Variants in ARHGAP24 observed in about 807,000 individuals in gnomAD.
ARHGAP24 encodes Rho GTPase activating protein 24, also known as rho GTPase-activating protein 24.
In ARHGAP24, 50 loss-of-function variants were observed where a neutral mutation model predicts 76.4. The observed-to-expected ratio is 0.65, with a 90% CI of 0.52 to 0.83. The LOEUF (loss-of-function observed/expected upper bound fraction) is 0.83. Ranked by LOEUF, ARHGAP24 falls within the 40% of genes least tolerant of loss-of-function variation. The probability of loss-of-function intolerance (pLI) is 0.00; values close to 1 mark genes in which losing one functional copy is unlikely to be tolerated. For missense variants in ARHGAP24, 930 were observed against 914.2 expected (o/e 1.02, Z -0.22); for synonymous variants, 345 against 323.3 (o/e 1.07, Z -0.72).
At chr4:85,542,599 G>GACCCTT (rs1725745909) in intron 1 of ARHGAP24, among the ~76,000 whole-genome samples, 1 of 152,108 alleles carries the variant, frequency 6.6e-6, no homozygotes, top group African/African-American at 2.4e-5. Context: ...GTCTCCCTTA[G>GACCCTT]GGACAGTCAT....
At chr4:85,553,918 G>C (rs1037782267) in intron 1 of ARHGAP24, among the ~76,000 whole-genome samples, 22 of 152,134 alleles carry the variant, frequency 1.4e-4, no homozygotes, top group African/African-American at 5.3e-4. Context: ...TCAGTGGTCA[G>C]TTTACTTAAG....
At chr4:85,554,669 T>C (rs1043558388) in intron 1 of ARHGAP24, among the ~76,000 whole-genome samples, 1 of 151,972 alleles carries the variant, frequency 6.6e-6, no homozygotes. Context: ...ATTATTATTA[T>C]TTTTTCTTCT....
At chr4:85,800,949 G>A (rs1035516482) in intron 3 of ARHGAP24, among the ~76,000 whole-genome samples, 4 of 152,088 alleles carry the variant, frequency 2.6e-5, no homozygotes, top group African/African-American at 9.7e-5. Flanking sequence ...TCAAATTAAA[G>A]CGTCCTTTTT....
intron 1 of ARHGAP24, among the ~76,000 whole-genome samples, chr4:85,532,166 G>GACTTCTGA (rs2110117251): frequency 6.6e-6 from 1 of 152,220 alleles, no homozygotes; most frequent in Non-Finnish European, 1.5e-5. Context: ...CATAAACTGT[G>GACTTCTGA]ATCTAAAAAT....
chr4:85,747,841 C>T (rs1726107944), intron 3 of ARHGAP24, among the ~76,000 whole-genome samples: 1 of 152,200 alleles, frequency 6.6e-6, no homozygotes, highest in African/African-American at 2.4e-5. Flanking sequence ...CCTAAATCAT[C>T]AGGACAGAAC....
intron 3 of ARHGAP24, among the ~76,000 whole-genome samples, chr4:85,774,998 C>A (rs1727259086): frequency 6.6e-6 from 1 of 151,922 alleles, no homozygotes; most frequent in Non-Finnish European, 1.5e-5. Context: ...ATTTATATAT[C>A]GTGATATCTT....
chr4:85,666,210 C>T (rs563593058), intron 2 of ARHGAP24, among the ~76,000 whole-genome samples: 1 of 152,210 alleles, frequency 6.6e-6, no homozygotes, highest in South Asian at 2.1e-4. Context: ...AGGCTTTGTT[C>T]GTTTGTTTTT....
At chr4:85,746,335 A>C (rs1578192686) in intron 3 of ARHGAP24, among the ~76,000 whole-genome samples, 1 of 152,164 alleles carries the variant, frequency 6.6e-6, no homozygotes, top group East Asian at 1.9e-4. Context: ...TATCTGACTG[A>C]TTCTTCATGA....
intron 3 of ARHGAP24, among the ~76,000 whole-genome samples, chr4:85,780,732 C>T (rs17010892): frequency 0.11 from 16,143 of 152,194 alleles, 1,912 homozygotes; most frequent in East Asian, 0.61. Flanking sequence ...TTATGAGAAA[C>T]GTGCATGTGC....
At chr4:85,704,982 G>A (rs4362811) in intron 2 of ARHGAP24, among the ~76,000 whole-genome samples, 146,743 of 152,172 alleles carry the variant, frequency 0.96, 70,982 homozygotes, top group East Asian at 1. Context: ...TAGAAAAGAT[G>A]AGAGTTTCCT....
intron 3 of ARHGAP24, among the ~76,000 whole-genome samples, chr4:85,856,928 CA>C (rs1277394319): frequency 6.6e-6 from 1 of 152,014 alleles, no homozygotes; most frequent in Non-Finnish European, 1.5e-5. Flanking sequence ...CTGTTTTTGG[CA>C]ACTGACTTTT....
At chr4:85,784,270 G>A (rs1452680) in intron 3 of ARHGAP24, among the ~76,000 whole-genome samples, 146,275 of 151,950 alleles carry the variant, frequency 0.96, 70,674 homozygotes, top group East Asian at 1. Context: ...GAGATCTAGT[G>A]CATAGCCTAT....
rs541858986 is a variant in ARHGAP24, at chr4:85,612,146, C to T, written c.180+41425C>T. Among the ~76,000 whole-genome samples, 23 of 151,160 alleles carry T rather than the reference C, an allele frequency of 1.5e-4. No homozygotes were observed. In the East Asian group the frequency reaches 2.8e-3, roughly 18 times the overall value. On this transcript the variant is annotated intron_variant, in intron 2 of 9. Coordinates refer to ENST00000395184, the MANE Select transcript of ARHGAP24 (RefSeq NM_001025616.3). ...CAGACCAGTGTATAGCTGCCGGGCG[C>T]GGTGGCTCATGCCTGTAATCCCAGC...
rs768047025 is a variant in ARHGAP24 at position 85,942,299 on chromosome 4, T to C, written c.599+26T>C. On this transcript the variant is annotated intron_variant, in intron 5 of 9. Coordinates refer to ENST00000395184, the MANE Select transcript of ARHGAP24 (RefSeq NM_001025616.3). The stretch of plus-strand genomic sequence containing the variant: ...GTAGATGTCACAATTTTACTAGCCA[T>C]CTTCACTGAGAAATTCAGACTCAAC... 10 of 1,611,708 alleles carry C rather than the reference T, an allele frequency of 6.2e-6. No homozygotes were observed. In the Admixed American group the frequency reaches 8.3e-5, roughly 13 times the overall value.
intron 3 of ARHGAP24, among the ~76,000 whole-genome samples, chr4:85,905,147 G>A (rs1421573478): frequency 6.6e-6 from 1 of 151,990 alleles, no homozygotes; most frequent in Admixed American, 6.6e-5. Flanking sequence ...GTACAGATAG[G>A]GTCAAAATCT....
Position 85,972,153 on chromosome 4 carries a change from C to A in ARHGAP24, c.717C>A (p.Ser239Arg). 6.2e-7 allele frequency: 1 copy of A among 1,613,566 alleles called. No homozygotes were observed. Among genetic ancestry groups the A allele is most frequent in the Non-Finnish European group, 8.5e-7 (1 of 1,179,948 alleles). Residue 239 changes from serine (S) to arginine (R), a missense_variant, in exon 6 of 10, where the codon AGC becomes AGA. Physicochemically the swap from Ser to Arg is moderately radical, Grantham distance 110. Transcript: ENST00000395184. ...TTTTGTCATGTGCCAAACTGCTCAG[C>A]AAGGAAGAGGAAGCAGTAAGTTGAT... ...EDFLSCAKLL[S>R]KEEEAGVKEL...
intron 3 of ARHGAP24, among the ~76,000 whole-genome samples, chr4:85,885,734 A>G (rs1407196094): frequency 6.6e-6 from 1 of 152,258 alleles, no homozygotes; most frequent in Non-Finnish European, 1.5e-5. Flanking sequence ...CATGTGTTAA[A>G]TGACATGGCA....
intron 3 of ARHGAP24, among the ~76,000 whole-genome samples, chr4:85,752,229 G>C (rs934539548): frequency 6.6e-6 from 1 of 152,150 alleles, no homozygotes; most frequent in Non-Finnish European, 1.5e-5. Flanking sequence ...TGTAATTCAG[G>C]CCCATTCGGT....
At chr4:85,888,785 C>A (rs1733718333) in intron 3 of ARHGAP24, among the ~76,000 whole-genome samples, 1 of 152,060 alleles carries the variant, frequency 6.6e-6, no homozygotes, top group Admixed American at 6.6e-5. Flanking sequence ...TACCCTCCAC[C>A]CTCCAATAGA....
Sources: allele counts gnomAD v4.1 joint callset (sites outside exome capture counted in the v4.1 genomes callset), GRCh38; gene constraint gnomAD v4.1.1; transcripts MANE v1.5; gene names NCBI Gene and HGNC (gene_info 2026-07-23, HGNC 2026-07-21).